PDE3A: variants seen among roughly 807,000 people sequenced by gnomAD.
PDE3A encodes the protein phosphodiesterase 3A.
Under a neutral mutation model 98.3 loss-of-function variants are expected in PDE3A, and 43 were observed. The observed-to-expected ratio is 0.44, with a 90% CI of 0.34 to 0.56. The LOEUF is 0.56. Among genes scored for constraint, PDE3A ranks in the 20% least tolerant of loss-of-function variants. The pLI, the probability that PDE3A is intolerant of heterozygous loss-of-function variation, is 0.01. For synonymous variants in PDE3A, 663 were observed against 567.9 expected, an observed-to-expected ratio of 1.17 and a Z score of -2.38; for missense variants, 1,427 against 1,440.7, an observed-to-expected ratio of 0.99 and a Z score of 0.15.
At position 20,484,300 on chromosome 12, in the gene PDE3A, C is replaced by T. The variant is rs147444792; in HGVS notation, c.961-72360C>T. The stretch of plus-strand genomic sequence containing the variant: ...TATGCTTAGTGGTATGTATATAATT[C>T]AGTAATAGTCTGTTTTAATTTTTAT... On this transcript the variant is annotated intron_variant, in intron 1 of 15. Transcript: ENST00000359062. Among the ~76,000 whole-genome samples the T allele has an allele frequency of 1.1e-3, 165 of 152,156 alleles. 1 individual carries two copies. The highest frequency in any genetic ancestry group is 3.9e-3 in the African/African-American group (161 of 41,530).
chr12:20,678,234 C>T (rs973525764), intron 15 of PDE3A, among the ~76,000 whole-genome samples: 3 of 152,176 alleles, frequency 2.0e-5, no homozygotes, highest in Non-Finnish European at 4.4e-5. Context: ...TTTTAGGGAG[C>T]CTCTCTAGGC....
At chr12:20,432,169 C>T (rs2120805998) in intron 1 of PDE3A, among the ~76,000 whole-genome samples, 1 of 152,204 alleles carries the variant, frequency 6.6e-6, no homozygotes, top group Non-Finnish European at 1.5e-5. Context: ...TCTGATTTCC[C>T]AGTTTACCAG....
chr12:20,612,788 C>T (rs1194203372), intron 2 of PDE3A, among the ~76,000 whole-genome samples: 4 of 150,554 alleles, frequency 2.7e-5, no homozygotes, highest in East Asian at 2.0e-4. Flanking sequence ...TTGTGCTCTT[C>T]GTTTCTGCTG....
chr12:20,397,061 G>T (rs1173370638), intron 1 of PDE3A, among the ~76,000 whole-genome samples: 7 of 151,984 alleles, frequency 4.6e-5, no homozygotes, highest in African/African-American at 1.7e-4. Context: ...GGGATTGACT[G>T]AGATTATAAA....
rs144584832 is a variant in PDE3A, at chr12:20,441,928, C to G, written c.960+71684C>G. Among the ~76,000 whole-genome samples the G allele has an allele frequency of 1.6e-3, 247 of 152,290 alleles. 2 individuals carry two copies. The highest frequency in any genetic ancestry group is 0.01 in the Middle Eastern group (3 of 294). On this transcript the variant is annotated intron_variant, in intron 1 of 15. Transcript: ENST00000359062. ...ATGGTGTGCAAGGCCTTGCCAATCT[C>G]TATAGCTTCATTTGTAACTACTTTC...
At chr12:20,551,572 G>C in intron 1 of PDE3A, 2 of 1,531,198 alleles carry the variant, frequency 1.3e-6, no homozygotes, top group Non-Finnish European at 1.8e-6. Context: ...CCCCGAGCGG[G>C]TCTGCGCCTG....
intron 1 of PDE3A, among the ~76,000 whole-genome samples, chr12:20,504,099 T>C (rs1048563342): frequency 6.6e-6 from 1 of 152,186 alleles, no homozygotes; most frequent in African/African-American, 2.4e-5. Context: ...TGTTAAACTT[T>C]ATGAATGCCA....
intron 1 of PDE3A, among the ~76,000 whole-genome samples, chr12:20,460,945 T>C (rs1425017041): frequency 6.6e-6 from 1 of 152,192 alleles, no homozygotes; most frequent in Non-Finnish European, 1.5e-5. Context: ...TGATAAAATA[T>C]AACTTTTTAC....
intron 1 of PDE3A, among the ~76,000 whole-genome samples, chr12:20,433,968 G>A (rs1944739564): frequency 6.6e-6 from 1 of 152,100 alleles, no homozygotes; most frequent in South Asian, 2.1e-4. Context: ...TTGGGTGATC[G>A]ATTACTTATT....
intron 1 of PDE3A, among the ~76,000 whole-genome samples, chr12:20,482,702 G>C (rs527291807): frequency 1.3e-5 from 2 of 152,342 alleles, no homozygotes; most frequent in South Asian, 4.1e-4. Context: ...ATATGGAACT[G>C]TCTCTAATAA....
At chr12:20,573,190 A>G (rs1183266903) in intron 2 of PDE3A, among the ~76,000 whole-genome samples, 1 of 152,164 alleles carries the variant, frequency 6.6e-6, no homozygotes, top group African/African-American at 2.4e-5. Flanking sequence ...AAGGAAAAAG[A>G]AAGCAACATT....
intron 1 of PDE3A, among the ~76,000 whole-genome samples, chr12:20,439,115 C>T (rs1469376362): frequency 6.6e-6 from 1 of 151,954 alleles, no homozygotes; most frequent in Non-Finnish European, 1.5e-5. Flanking sequence ...ATTCTTAAGT[C>T]AGTTTTGAAT....
chr12:20,449,632 A>T (rs776775164), intron 1 of PDE3A: 9 of 401,348 alleles, frequency 2.2e-5, no homozygotes, highest in Non-Finnish European at 4.2e-5. Context: ...CAATTGTGGC[A>T]GATTTTAGTC....
At chr12:20,396,837 G>C (rs1013233239) in intron 1 of PDE3A, among the ~76,000 whole-genome samples, 3 of 151,908 alleles carry the variant, frequency 2.0e-5, no homozygotes, top group Admixed American at 6.6e-5. Flanking sequence ...AGAATCCTTT[G>C]CTATGTTTGT....
intron 1 of PDE3A, among the ~76,000 whole-genome samples, chr12:20,378,447 C>T (rs1000304234): frequency 2.6e-5 from 4 of 151,424 alleles, no homozygotes; most frequent in Admixed American, 2.6e-4. Context: ...ACGTTTATAT[C>T]TGTGTGTGAT....
At chr12:20,372,769 A>G (rs1452702831) in intron 1 of PDE3A, among the ~76,000 whole-genome samples, 1 of 152,154 alleles carries the variant, frequency 6.6e-6, no homozygotes, top group Non-Finnish European at 1.5e-5. Flanking sequence ...TCAAGACAAT[A>G]CTCATAGGCA....
intron 1 of PDE3A, among the ~76,000 whole-genome samples, chr12:20,519,694 A>G (rs1243662967): frequency 6.6e-6 from 1 of 152,240 alleles, no homozygotes; most frequent in African/African-American, 2.4e-5. Flanking sequence ...TAATGAACAT[A>G]TGTGCAAGAT....
intron 1 of PDE3A, among the ~76,000 whole-genome samples, chr12:20,499,235 G>T (rs1945978197): frequency 6.6e-6 from 1 of 152,130 alleles, no homozygotes; most frequent in Admixed American, 6.6e-5. Context: ...CTTGTAAAAT[G>T]CTTAACGTTG....
At chr12:20,514,108 A>T (rs749273815) in intron 1 of PDE3A, among the ~76,000 whole-genome samples, 1 of 152,148 alleles carries the variant, frequency 6.6e-6, no homozygotes, top group Non-Finnish European at 1.5e-5. Flanking sequence ...AAAATAATTA[A>T]ATCCACATCT....
Sources: gnomAD v4.1 joint callset for allele counts (sites outside exome capture counted in the v4.1 genomes callset) on GRCh38, gnomAD v4.1.1 for gene constraint, MANE v1.5 for transcripts, NCBI Gene and HGNC (gene_info 2026-07-23, HGNC 2026-07-21) for gene names.